Variants in ATP8B3 observed in about 807,000 individuals in gnomAD.
ATP8B3 encodes the protein ATPase phospholipid transporting 8B3, also known as phospholipid-transporting ATPase IK.
ATP8B3 carries 141 observed loss-of-function variants against 140.9 expected under a neutral mutation model. The ratio of observed to expected loss-of-function variants is 1.00; its 90% CI spans 0.87 to 1.15. ATP8B3 has a LOEUF of 1.15. Among genes scored for constraint, ATP8B3 ranks in the 50% most tolerant of loss-of-function variants. The pLI is 0.00. For synonymous variants in ATP8B3, 765 were observed against 714.6 expected (o/e 1.07, Z -1.13); for missense variants, 1,874 against 1,740.6 (o/e 1.08, Z -1.36).
chr19:1,792,115 C>T lies in ATP8B3; in HGVS notation c.2076G>A (p.Leu692=). ...CCCTGTAGGCCAGGCACAGTGTCCG[C>T]AGGGTCTCCTGGGCAAAGGCCTGGG... The part of the protein sequence containing the change: ...EALAAFAQET[L]RTLCLAYREV... Residue 692 remains leucine (L), a synonymous_variant, in exon 19 of 29, where the codon CTG becomes CTA. Coordinates refer to ENST00000310127, the MANE Select transcript of ATP8B3 (RefSeq NM_138813.4). 2.5e-6 allele frequency: 4 copies of T among 1,578,858 alleles called. No individual in the cohort carries two copies. Among genetic ancestry groups the T allele is most frequent in the Non-Finnish European group, 3.4e-6 (4 of 1,168,522 alleles).
intron 27 of ATP8B3, 82 bp downstream of exon 27, chr19:1,785,077 C>T: frequency 1.3e-6 from 2 of 1,482,140 alleles, no homozygotes; most frequent in Non-Finnish European, 1.8e-6. Context: ...TGCCGGACGA[C>T]TGTCATGAGC....
intron 2 of ATP8B3, 80 bp downstream of exon 2, chr19:1,811,409 C>A: frequency 6.6e-7 from 1 of 1,506,058 alleles, no homozygotes; most frequent in South Asian, 1.3e-5. Context: ...ACTGGCCCCC[C>A]ACCTGCCAGC....
At position 1,806,551 on chromosome 19, in the gene ATP8B3, A is replaced by C; in HGVS notation, c.677+77T>G. 1 of 1,540,932 alleles carries C rather than the reference A, an allele frequency of 6.5e-7. No homozygotes were observed. On this transcript the variant is annotated intron_variant, in intron 7 of 28. Coordinates refer to ENST00000310127, the MANE Select transcript of ATP8B3 (RefSeq NM_138813.4). The surrounding 1 kb of genome is among the most constrained non-coding windows in gnomAD (Gnocchi z 5.6). ...TCAGGGAGCACGGAAGGTGATGGACACTTGCCGAGGCCGATGACCCTGCTG... is the reference window on the plus strand; with the variant it reads ...TCAGGGAGCACGGAAGGTGATGGACCCTTGCCGAGGCCGATGACCCTGCTG...
At chr19:1,793,287 T>C (rs531237506) in intron 18 of ATP8B3, among the ~76,000 whole-genome samples, 1 of 151,974 alleles carries the variant, frequency 6.6e-6, no homozygotes. Flanking sequence ...ATTTTTTAAA[T>C]AGAGGTGGTT....
chr19:1,803,814 T>C (rs1312848228), intron 10 of ATP8B3, among the ~76,000 whole-genome samples: 1 of 149,214 alleles, frequency 6.7e-6, no homozygotes, highest in Non-Finnish European at 1.5e-5. Flanking sequence ...GAGAATCGCT[T>C]GAACCCGGGA....
intron 16 of ATP8B3, among the ~76,000 whole-genome samples, 182 bp from the exon 17 acceptor site, chr19:1,796,447 A>T (rs2084364210): frequency 6.6e-6 from 1 of 152,212 alleles, no homozygotes; most frequent in Non-Finnish European, 1.5e-5. Flanking sequence ...CCGCTCAACA[A>T]CAGATCCTCG....
At chr19:1,787,207 AAGG>A (rs1415174846) in intron 24 of ATP8B3, 21 bp from the exon 25 acceptor site, 16 of 1,588,296 alleles carry the variant, frequency 1.0e-5, no homozygotes, top group South Asian at 6.8e-5. Context: ...GGAGAAGGGC[AAGG>A]AGAACAAGTC....
At chr19:1,809,035 G>A (rs901684409) in intron 4 of ATP8B3, among the ~76,000 whole-genome samples, 3 of 151,954 alleles carry the variant, frequency 2.0e-5, no homozygotes, top group Non-Finnish European at 2.9e-5. Context: ...TTAGCCGGGC[G>A]TGGTTGTGGG....
In ATP8B3 at chr19:1,806,545, ATGGACACTT is replaced by A. The variant is rs2069027144; in HGVS notation, c.677+74_677+82del. The A allele has an allele frequency of 6.5e-7, 1 of 1,538,294 alleles. No individual in the cohort carries two copies. Among genetic ancestry groups the A allele is most frequent in the African/African-American group, 1.4e-5 (1 of 72,920 alleles). On this transcript the variant is annotated intron_variant, in intron 7 of 28. Coordinates refer to ENST00000310127, the MANE Select transcript of ATP8B3 (RefSeq NM_138813.4). This position sits in a 1 kb window ranked among gnomAD's most constrained non-coding sequence, Gnocchi z 5.6. ...GGGAGATCAGGGAGCACGGAAGGTGATGGACACTTGCCGAGGCCGATGACCCTGCTGGGC... is the reference window on the plus strand; with the variant it reads ...GGGAGATCAGGGAGCACGGAAGGTGAGCCGAGGCCGATGACCCTGCTGGGC...
rs372397021 is a variant in ATP8B3 at position 1,787,098 on chromosome 19, C to T, written c.3153+5G>A. The stretch of plus-strand genomic sequence containing the variant: ...GGAAGGAAGACCCGGCCTTGCCCTG[C>T]TCACCTGCTCAAAGAGCCCAATGTA... On this transcript the variant is annotated splice_donor_5th_base_variant and intron_variant, in intron 25 of 28. Transcript: ENST00000310127. 24 of 1,594,858 alleles carry T rather than the reference C, an allele frequency of 1.5e-5. No individual in the cohort carries two copies. In the African/African-American group the frequency reaches 1.9e-4, roughly 12 times the overall value.
chr19:1,788,366 G>A (rs1214476094), intron 24 of ATP8B3, among the ~76,000 whole-genome samples: 1 of 152,114 alleles, frequency 6.6e-6, no homozygotes, highest in African/African-American at 2.4e-5. Context: ...AAAGCTCTGA[G>A]TGTGCCGGGC....
In ATP8B3 at chr19:1,788,945, G is replaced by T; in HGVS notation, c.3021C>A (p.Ser1007Arg). Residue 1007 changes from serine to arginine, a missense_variant, in exon 24 of 29, where the codon AGC becomes AGA. Ser to Arg is a moderately radical substitution (Grantham distance 110). Transcript: ENST00000310127. Reference sequence around the variant, plus strand: ...AGGCAAACCAGACCTGCACCATCATGCTGGCCATGCTCTTGTAGAAGAAGT... The same window carrying T: ...AGGCAAACCAGACCTGCACCATCATTCTGGCCATGCTCTTGTAGAAGAAGT... Reference protein sequence around the residue: ...LRYFFYKSMASMMVQVWFACY... With the variant: ...LRYFFYKSMARMMVQVWFACY... The T allele has an allele frequency of 6.2e-7, 1 of 1,607,726 alleles. No homozygotes were observed. Among genetic ancestry groups the T allele is most frequent in the Non-Finnish European group, 8.5e-7 (1 of 1,177,484 alleles).
chr19:1,789,619 C>T lies in ATP8B3; in HGVS notation c.2587G>A (p.Ala863Thr), dbSNP rs778405804. 1 of 1,592,894 alleles carries T rather than the reference C, an allele frequency of 6.3e-7. No homozygotes were observed. ...CGGCACAGCAGGGACAGGCGCCTGGCGTAGAGGAAATCCCTCCTGGACTGG... is the reference window on the plus strand; with the variant it reads ...CGGCACAGCAGGGACAGGCGCCTGGTGTAGAGGAAATCCCTCCTGGACTGG... ...LGQSRRDFLYARRLSLLCRRF... is the reference protein window; with the variant it reads ...LGQSRRDFLYTRRLSLLCRRF... Residue 863 changes from alanine to threonine, a missense_variant, in exon 23 of 29, where the codon GCC becomes ACC. Transcript: ENST00000310127.
In ATP8B3 at chr19:1,791,841, G is replaced by C. The variant is rs777784131; in HGVS notation, c.2211C>G (p.Ile737Met). The C allele has an allele frequency of 6.8e-6, 11 of 1,611,280 alleles. No individual in the cohort carries two copies. The highest frequency in any genetic ancestry group is 9.3e-6 in the Non-Finnish European group (11 of 1,179,784). Residue 737 changes from isoleucine (I) to methionine (M), a missense_variant, in exon 20 of 29, where the codon ATC becomes ATG. Ile to Met is a conservative substitution (Grantham distance 10). Around this residue, in one of 3 missense-constraint regions of ATP8B3, gnomAD observed 840 missense variants for 760.9 expected, o/e 1.10. Transcript: ENST00000310127. The part of the protein sequence containing the change: ...ALQQLLGATA[I>M]EDRLQDGVPE... Reference sequence around the variant, plus strand: ...GGACACCGTCCTGGAGTCTGTCCTCGATGGCTGTGGCTCCCAGCAGCTGGT... The same window carrying C: ...GGACACCGTCCTGGAGTCTGTCCTCCATGGCTGTGGCTCCCAGCAGCTGGT...
At position 1,811,016 on chromosome 19, in the gene ATP8B3, C is replaced by T. The variant is rs985223299; in HGVS notation, c.249-333G>A. On this transcript the variant is annotated intron_variant, in intron 2 of 28. Coordinates refer to ENST00000310127, the MANE Select transcript of ATP8B3 (RefSeq NM_138813.4). Reference sequence around the variant, plus strand: ...GCCAGCCTCTGGCCATGCCAGCCTCCGGCCACTGCTCCCCACACCTCGCTT... The same window carrying T: ...GCCAGCCTCTGGCCATGCCAGCCTCTGGCCACTGCTCCCCACACCTCGCTT... Among the ~76,000 whole-genome samples, 8 of 152,086 alleles carry T rather than the reference C, an allele frequency of 5.3e-5. No homozygotes were observed. In the East Asian group the frequency reaches 9.6e-4, roughly 18 times the overall value.
rs973072644 is a variant in ATP8B3, at chr19:1,790,190, A to G, written c.2379-201T>C. On this transcript the variant is annotated intron_variant, in intron 21 of 28. Coordinates refer to ENST00000310127, the MANE Select transcript of ATP8B3 (RefSeq NM_138813.4). Reference sequence around the variant, plus strand: ...CTTCCCCTCCACTGCCCACTCCCCCACCCCTGCCCCTCCCCCTTCCCTCTC... The same window carrying G: ...CTTCCCCTCCACTGCCCACTCCCCCGCCCCTGCCCCTCCCCCTTCCCTCTC... Among the ~76,000 whole-genome samples, 3 of 47,806 alleles carry G rather than the reference A, an allele frequency of 6.3e-5. No individual in the cohort carries two copies. The Admixed American group carries it at 6.9e-4, about 11-fold the overall frequency. 31.4% of individuals were successfully genotyped at this position (47,806 alleles called of 152,430 possible). A position where few individuals can be genotyped will look rare whatever the true frequency, so the allele number is the denominator to read the frequency against.
At chr19:1,802,736 A>C (rs1600462863) in intron 10 of ATP8B3, 91 bp from the exon 11 acceptor site, 3 of 1,444,182 alleles carry the variant, frequency 2.1e-6, no homozygotes, top group Non-Finnish European at 1.9e-6. Flanking sequence ...CATTCCGGCC[A>C]CCCTCACGAG....
rs779533709 is a variant in ATP8B3 at position 1,808,282 on chromosome 19, G to C, written c.456C>G (p.Asn152Lys). ...ACACGCGGTGGAACTGCTCGTACAG[G>C]TTCAGCGGCAGGAACGAGTAGAAGT... ...KYNFYSFLPL[N>K]LYEQFHRVSN... Residue 152 changes from asparagine (N) to lysine (K), a missense_variant, in exon 5 of 29, where the codon AAC (asparagine) becomes AAG (lysine). By Grantham distance (94) the Asn-to-Lys change is moderately conservative. This residue lies in a region of ATP8B3 where 1,032 missense variants were observed against 963.6 expected (regional missense o/e 1.07). Transcript: ENST00000310127. 3.0e-5 allele frequency: 49 copies of C among 1,613,178 alleles called. No homozygotes were observed. Among genetic ancestry groups the C allele is most frequent in the Non-Finnish European group, 4.2e-5 (49 of 1,179,674 alleles).
At position 1,782,230 on chromosome 19, in the gene ATP8B3, C is replaced by G. The variant is rs758379796; in HGVS notation, c.*798G>C. On this transcript the variant is annotated 3_prime_UTR_variant, in exon 29 of 29. Transcript: ENST00000310127. Reference sequence around the variant, plus strand: ...GAAGGACATCTTCCTGATATGCCAGCGTGACTCCTTTGGGCTCGAAGATGC... The same window carrying G: ...GAAGGACATCTTCCTGATATGCCAGGGTGACTCCTTTGGGCTCGAAGATGC... The G allele has an allele frequency of 3.3e-6, 1 of 306,772 alleles. No homozygotes were observed. The highest frequency in any genetic ancestry group is 5.2e-5 in the Admixed American group (1 of 19,194). 19.0% of individuals were successfully genotyped at this position (306,772 alleles called of 1,614,324 possible). A position where few individuals can be genotyped will look rare whatever the true frequency, so the allele number is the denominator to read the frequency against.
Sources: gnomAD v4.1 joint callset for allele counts (sites outside exome capture counted in the v4.1 genomes callset) on GRCh38, gnomAD v4.1.1 for gene constraint, gnomAD v4.1.1 regional missense constraint, Gnocchi (gnomAD v3.1) non-coding constraint, MANE v1.5 for transcripts, NCBI Gene and HGNC (gene_info 2026-07-23, HGNC 2026-07-21) for gene names.